MGA: variants seen among roughly 807,000 people sequenced by gnomAD.
MGA encodes MAX gene-associated protein.
Under a neutral mutation model 261.1 loss-of-function variants are expected in MGA, and 40 were observed. The ratio of observed to expected loss-of-function variants is 0.15; its 90% CI spans 0.12 to 0.20. The LOEUF (loss-of-function observed/expected upper bound fraction) is 0.20. MGA is among the 10% of genes least tolerant of loss of function. MGA has a pLI of 1.00. For synonymous variants in MGA, 1,302 were observed against 1,290.6 expected (o/e 1.01, Z -0.19); for missense variants, 3,397 against 3,630.5 (o/e 0.94, Z 1.65).
chr15:41,762,491 T>C (rs1567107328), intron 22 of MGA, 129 bp downstream of exon 22: 1 of 572,232 alleles, frequency 1.7e-6, no homozygotes, highest in South Asian at 2.2e-5. Flanking sequence ...TTTTTTTTTT[T>C]GGAGACAGCT....
intron 3 of MGA, among the ~76,000 whole-genome samples, chr15:41,698,345 T>C (rs1007509351): frequency 1.3e-5 from 2 of 151,570 alleles, no homozygotes; most frequent in African/African-American, 4.9e-5. Context: ...TTTTTTTTAT[T>C]TTAGTAGAGA....
chr15:41,736,742 C>T, intron 13 of MGA, 44 bp downstream of exon 13: 1 of 1,492,436 alleles, frequency 6.7e-7, no homozygotes, highest in African/African-American at 1.4e-5. Flanking sequence ...TTGTATACAC[C>T]TAGGTAGTAT....
chr15:41,699,484 C>T (rs1018892329), intron 5 of MGA, among the ~76,000 whole-genome samples: 1 of 124,322 alleles, frequency 8.0e-6, no homozygotes, highest in African/African-American at 2.5e-5. Context: ...AATTTGGTTG[C>T]TTTTGTTTAT....
intron 5 of MGA, among the ~76,000 whole-genome samples, chr15:41,703,373 C>CCG (rs956251097): frequency 1.5e-5 from 2 of 137,212 alleles, no homozygotes; most frequent in Non-Finnish European, 3.2e-5. Context: ...AAGTTACCCC[C>CCG]CCCCCCACTC....
intron 22 of MGA, among the ~76,000 whole-genome samples, chr15:41,764,158 C>G (rs75486770): frequency 7.0e-6 from 1 of 143,676 alleles, no homozygotes; most frequent in African/African-American, 2.6e-5. Flanking sequence ...GACTCCATCT[C>G]AAAAAAAATT....
In MGA at chr15:41,689,894, T is replaced by A. The variant is rs186496483; in HGVS notation, c.1065-6181T>A. On this transcript the variant is annotated intron_variant, in intron 2 of 23. Coordinates refer to ENST00000219905, the MANE Select transcript of MGA (RefSeq NM_001164273.2). ...AGAACTTCCTTTAATAGTTATTTTT[T>A]AAAAACTTTAAAAATTGAGATATAA... Among the ~76,000 whole-genome samples the A allele has an allele frequency of 3.3e-5, 5 of 152,340 alleles. No homozygotes were observed. The East Asian group carries it at 9.6e-4, about 29-fold the overall frequency.
intron 9 of MGA, among the ~76,000 whole-genome samples, chr15:41,717,950 A>G (rs1444588962): frequency 1.3e-5 from 2 of 151,740 alleles, no homozygotes; most frequent in South Asian, 2.1e-4. Flanking sequence ...ATCAATCAGT[A>G]TACTTTGCCA....
At chr15:41,699,193 CT>C (rs11285992) in intron 5 of MGA, 34 bp downstream of exon 5, 214,870 of 1,352,124 alleles carry the variant, frequency 0.16, 24,221 homozygotes, top group East Asian at 0.69. Context: ...TTTTTGTTTT[CT>C]TTTTTTCTTT....
chr15:41,721,967 T>G (rs1775004548), intron 9 of MGA, among the ~76,000 whole-genome samples: 1 of 152,166 alleles, frequency 6.6e-6, no homozygotes, highest in African/African-American at 2.4e-5. Flanking sequence ...GTAGTATGAA[T>G]ATTCAGTGAA....
In MGA at chr15:41,764,769, CCTG is replaced by C; in HGVS notation, c.7745-116_7745-114del. ...ATGTTTCCCAGGCTGGTCTTGAACT[CCTG>C]GGCTCAAGTGATCTGCCTGCCTCAG... On this transcript the variant is annotated intron_variant, in intron 22 of 23. Coordinates refer to ENST00000219905, the MANE Select transcript of MGA (RefSeq NM_001164273.2). The C allele has an allele frequency of 3.9e-6, 4 of 1,029,936 alleles. No homozygotes were observed. In the South Asian group the frequency reaches 6.2e-5, roughly 16 times the overall value. The allele number at this position is 1,029,936 out of a possible 1,614,324, so 63.8% of individuals were successfully genotyped here.
At chr15:41,746,744 T>C (rs1243825238) in intron 15 of MGA, among the ~76,000 whole-genome samples, 2 of 149,478 alleles carry the variant, frequency 1.3e-5, no homozygotes, top group African/African-American at 2.6e-5. Context: ...GCAGAGTGCC[T>C]GTTTGATAGA....
At chr15:41,649,729 G>T (rs1453696300) in intron 1 of MGA, among the ~76,000 whole-genome samples, 1 of 152,118 alleles carries the variant, frequency 6.6e-6, no homozygotes, top group Non-Finnish European at 1.5e-5. Flanking sequence ...ACCCAGGCTG[G>T]AGCTCAGTGG....
intron 14 of MGA, among the ~76,000 whole-genome samples, chr15:41,741,761 G>T (rs1407647510): frequency 6.6e-6 from 1 of 152,000 alleles, no homozygotes; most frequent in Admixed American, 6.6e-5. Flanking sequence ...TCCCAGGCTG[G>T]AGTGCAGTGG....
At position 41,742,732 on chromosome 15, in the gene MGA, G is replaced by T; in HGVS notation, c.4772G>T (p.Ser1591Ile). ...TCTTCTGAGCCAGTTCAGGTGTGCA[G>T]CCCTGTGACTGCTGCTGTCACTACT... Residue 1591 changes from serine (S) to isoleucine (I), a missense_variant, in exon 15 of 24, where the codon AGC becomes ATC. This residue lies in a region of MGA where 1,410 missense variants were observed against 1,386.4 expected (regional missense o/e 1.02). Transcript: ENST00000219905. 1 of 1,613,978 alleles carries T rather than the reference G, an allele frequency of 6.2e-7. No homozygotes were observed. Among genetic ancestry groups the T allele is most frequent in the Non-Finnish European group, 8.5e-7 (1 of 1,179,864 alleles).
chr15:41,742,609 A>C lies in MGA; in HGVS notation c.4649A>C (p.Gln1550Pro), dbSNP rs1166850917. The change falls in exon 15 of 24, where the codon CAG becomes CCG. Residue 1550 changes from glutamine (Q) to proline (P), a missense_variant. By Grantham distance (76) the Gln-to-Pro change is moderately conservative. Transcript: ENST00000219905. ...GTGATGAGTAAAGTTGGAGCCTTGC[A>C]GCAGAAGATACCTGGAGTTAGCACA... is the stretch of plus-strand genomic sequence containing the variant. 1 of 1,613,910 alleles carries C rather than the reference A, an allele frequency of 6.2e-7. No individual in the cohort carries two copies. Among genetic ancestry groups the C allele is most frequent in the Admixed American group, 1.7e-5 (1 of 60,012 alleles).
chr15:41,629,105 C>CAAAAAAAAA (rs71108108), intron 1 of MGA, among the ~76,000 whole-genome samples: 1 of 78,074 alleles, frequency 1.3e-5, no homozygotes. Flanking sequence ...GACTTCGTCT[C>CAAAAAAAAA]AAAAAAAAAA....
Position 41,664,272 on chromosome 15 carries a change from G to T in MGA, c.-68+3747G>T, listed in dbSNP as rs540927187. ...CTTCTCTGCACTAATATTTTGCTTC[G>T]GCAGAAAGAAAAACTCAGTGTGTGT... On this transcript the variant is annotated intron_variant, in intron 1 of 23. Transcript: ENST00000219905. 2.0e-5 allele frequency among the ~76,000 whole-genome samples: 3 copies of T among 152,038 alleles called. No individual in the cohort carries two copies. The South Asian group carries it at 6.2e-4, about 32-fold the overall frequency.
rs1276129280 is a variant in MGA at position 41,748,744 on chromosome 15, C to G, written c.5320C>G (p.Leu1774Val). The G allele has an allele frequency of 6.2e-7, 1 of 1,613,962 alleles. No individual in the cohort carries two copies. The highest frequency in any genetic ancestry group is 8.5e-7 in the Non-Finnish European group (1 of 1,179,880). ...TCCAGTGCAGCAGGGTTCTCCTACT[C>G]TTAGACCTGTCTCAAACACACAACT... The change falls in exon 16 of 24, where the codon CTT becomes GTT. Residue 1774 changes from leucine (L) to valine (V), a missense_variant. Leu to Val is a conservative substitution (Grantham distance 32, BLOSUM62 1). Around this residue, in one of 9 missense-constraint regions of MGA, gnomAD observed 1,410 missense variants for 1,386.4 expected, o/e 1.02. Coordinates refer to ENST00000219905, the MANE Select transcript of MGA (RefSeq NM_001164273.2).
intron 1 of MGA, among the ~76,000 whole-genome samples, chr15:41,630,026 T>C (rs1254345622): frequency 6.6e-6 from 1 of 152,236 alleles, no homozygotes; most frequent in Non-Finnish European, 1.5e-5. Flanking sequence ...TCTCCATTGT[T>C]TGAGGACATA....
Sources: gnomAD v4.1 joint callset for allele counts (sites outside exome capture counted in the v4.1 genomes callset) on GRCh38, gnomAD v4.1.1 for gene constraint, gnomAD v4.1.1 regional missense constraint, MANE v1.5 for transcripts, NCBI Gene and HGNC (gene_info 2026-07-23, HGNC 2026-07-21) for gene names.